The following CDHR2 variants were observed in gnomAD, a reference collection of about 807,000 sequenced individuals.
CDHR2 encodes cadherin related family member 2.
CDHR2 carries 104 observed loss-of-function variants against 138.6 expected under a neutral mutation model. The observed-to-expected ratio is 0.75, with a 90% CI of 0.64 to 0.88. The LOEUF is 0.88. CDHR2 is among the 40% of genes least tolerant of loss of function. The pLI is 0.00. For synonymous variants in CDHR2, 755 were observed against 742.8 expected (o/e 1.02, Z -0.27); for missense variants, 1,624 against 1,727.6 (o/e 0.94, Z 1.06).
chr5:176,545,350 A>T (rs1443988608), upstream of CDHR2, among the ~76,000 whole-genome samples: 1 of 152,166 alleles, frequency 6.6e-6, no homozygotes, highest in Non-Finnish European at 1.5e-5. Flanking sequence ...CATGTTGGCC[A>T]GGCTGGTCTT....
chr5:176,573,410 C>T (rs1365222704), intron 6 of CDHR2, among the ~76,000 whole-genome samples: 2 of 151,794 alleles, frequency 1.3e-5, no homozygotes, highest in Non-Finnish European at 2.9e-5. Context: ...GAGGCTGAGG[C>T]GGGTGGATCA....
In CDHR2 at chr5:176,590,283, C is replaced by CT; in HGVS notation, c.3309dup (p.Val1104CysfsTer11). 6.2e-7 allele frequency: 1 copy of CT among 1,614,178 alleles called. No homozygotes were observed. The highest frequency in any genetic ancestry group is 8.5e-7 in the Non-Finnish European group (1 of 1,180,024). On this transcript the variant is annotated frameshift_variant, in exon 26 of 32. Coordinates refer to ENST00000261944, the MANE Select transcript of CDHR2 (RefSeq NM_017675.6). LOFTEE classifies it high-confidence loss of function. ...GACCTCACTCCTACCTCGATGCCTA[C>CT]TTTGTCTTCCCCAATGGGTCAGCCC...
chr5:176,545,932 G>T (rs1431118520), upstream of CDHR2, among the ~76,000 whole-genome samples: 2 of 152,254 alleles, frequency 1.3e-5, no homozygotes, highest in African/African-American at 4.8e-5. Flanking sequence ...GGGTCCAAAG[G>T]TCTGGGCAGG....
intron 1 of CDHR2, among the ~76,000 whole-genome samples, chr5:176,565,100 G>T (rs182897080): frequency 6.6e-6 from 1 of 152,260 alleles, no homozygotes; most frequent in Non-Finnish European, 1.5e-5. Flanking sequence ...ATTTCCTGGT[G>T]CATGGCAGGT....
In CDHR2 at chr5:176,568,756, ACTT is replaced by A; in HGVS notation, c.208_210del (p.Phe70del). ...TATGGGATGAGCGGCCCCAATGCCT[ACTT>A]CTTCGCTGTCACTCCGAAAACTGGG... On this transcript the variant is annotated inframe_deletion, in exon 4 of 32. Transcript: ENST00000261944. The A allele has an allele frequency of 6.2e-7, 1 of 1,614,200 alleles. No individual in the cohort carries two copies. Among genetic ancestry groups the A allele is most frequent in the Non-Finnish European group, 8.5e-7 (1 of 1,180,030 alleles).
chr5:176,588,549 ATGTG>A (rs1268890867), intron 21 of CDHR2, among the ~76,000 whole-genome samples: 1 of 131,984 alleles, frequency 7.6e-6, no homozygotes, highest in Middle Eastern at 4.8e-3. Flanking sequence ...GAGTGAGTGT[ATGTG>A]TGAGTGGGAC....
At position 176,581,334 on chromosome 5, in the gene CDHR2, C is replaced by T. The variant is rs934402362; in HGVS notation, c.1819-9C>T. The T allele has an allele frequency of 2.8e-5, 45 of 1,612,226 alleles. No homozygotes were observed. The highest frequency in any genetic ancestry group is 1.6e-4 in the Middle Eastern group (1 of 6,062). ...ATGGCCGATGACCAACCCCTGCTTA[C>T]GTGCACAGGCCCACGACAATGATGA... On this transcript the variant is annotated splice_polypyrimidine_tract_variant and intron_variant, in intron 16 of 31. Transcript: ENST00000261944.
In CDHR2 at chr5:176,592,336, A is replaced by G. The variant is rs1455680303; in HGVS notation, c.3735-387A>G. On this transcript the variant is annotated intron_variant, in intron 30 of 31. Transcript: ENST00000261944. ...TGGTGGTGGTGTTGGTGTTGAGGTG[A>G]TGGTGGTGATGGTGATGGTAGTGAT... Among the ~76,000 whole-genome samples, 41 of 75,240 alleles carry G rather than the reference A, an allele frequency of 5.4e-4. No individual in the cohort carries two copies. In the East Asian group the frequency reaches 5.5e-3, roughly 10 times the overall value. The allele number at this position is 75,240 out of a possible 152,430, so 49.4% of individuals were successfully genotyped here.
chr5:176,588,483 G>A (rs1758734274), intron 21 of CDHR2, among the ~76,000 whole-genome samples: 1 of 150,398 alleles, frequency 6.6e-6, no homozygotes, highest in African/African-American at 2.5e-5. Flanking sequence ...GAGTGTGAGA[G>A]GATAAGTGTG....
Position 176,577,406 on chromosome 5 carries a change from A to G in CDHR2, c.1202A>G (p.Asn401Ser). Residue 401 changes from asparagine to serine, a missense_variant, in exon 13 of 32, where the codon AAT (asparagine) becomes AGT (serine). Coordinates refer to ENST00000261944, the MANE Select transcript of CDHR2 (RefSeq NM_017675.6). ...MVVYDPDKGS[N>S]GTFLLSLGGP... ...GACAGCCCACCTTTACAGGGCAGCA[A>G]TGGCACCTTCCTGTTGTCGCTGGGG... 4 of 1,608,298 alleles carry G rather than the reference A, an allele frequency of 2.5e-6. No individual in the cohort carries two copies. The highest frequency in any genetic ancestry group is 3.4e-6 in the Non-Finnish European group (4 of 1,178,132).
At chr5:176,556,388 C>T (rs180925428) in intron 1 of CDHR2, among the ~76,000 whole-genome samples, 2 of 152,062 alleles carry the variant, frequency 1.3e-5, no homozygotes, top group East Asian at 1.9e-4. Context: ...CTAAACAGGC[C>T]GGGCGCGGTG....
intron 1 of CDHR2, among the ~76,000 whole-genome samples, chr5:176,563,050 C>G (rs1757999871): frequency 6.6e-6 from 1 of 152,116 alleles, no homozygotes; most frequent in Non-Finnish European, 1.5e-5. Flanking sequence ...CTTGTCCAGT[C>G]AAGGCTGTGG....
chr5:176,575,005 C>A lies in CDHR2; in HGVS notation c.496-79C>A, dbSNP rs541397941. The A allele has an allele frequency of 2.6e-6, 4 of 1,554,378 alleles. No individual in the cohort carries two copies. In the East Asian group the frequency reaches 6.8e-5, roughly 26 times the overall value. ...GACTGGTCAGTGGCAGAGCTGGGAC[C>A]TTCCCTGCGTTGCTCAGAGTGGGGT... is the stretch of plus-strand genomic sequence containing the variant. On this transcript the variant is annotated intron_variant, in intron 7 of 31. Transcript: ENST00000261944.
chr5:176,591,099 T>C (rs1192965094), intron 28 of CDHR2, 111 bp from the exon 29 acceptor site: 33 of 713,932 alleles, frequency 4.6e-5, no homozygotes, highest in East Asian at 2.7e-5. Flanking sequence ...CTCTGTAAAA[T>C]AGAGCTAACA....
At chr5:176,574,245 C>T (rs1020284842) in intron 7 of CDHR2, 73 bp downstream of exon 7, 3 of 1,149,388 alleles carry the variant, frequency 2.6e-6, no homozygotes, top group Non-Finnish European at 2.6e-6. Context: ...ACCCACAGGG[C>T]CTGAACGTTG....
rs745755277 is a variant in CDHR2, at chr5:176,592,768, T to C, written c.3780T>C (p.Ser1260=). The C allele has an allele frequency of 1.2e-6, 2 of 1,613,638 alleles. No homozygotes were observed. The highest frequency in any genetic ancestry group is 1.7e-6 in the Non-Finnish European group (2 of 1,179,832). ...ACTCTGTGGATGTGGACAAGAACAG[T>C]CAGGAAATCAAGGCAAGATGGGGGA... ...DDNSVDVDKN[S]QEIKEHRPPH... is the part of the protein sequence containing the mutation. Residue 1260 remains serine (S), a synonymous_variant, in exon 31 of 32, where the codon AGT becomes AGC. Coordinates refer to ENST00000261944, the MANE Select transcript of CDHR2 (RefSeq NM_017675.6).
At chr5:176,562,018 A>G (rs1757979661) in intron 1 of CDHR2, among the ~76,000 whole-genome samples, 1 of 152,070 alleles carries the variant, frequency 6.6e-6, no homozygotes, top group Admixed American at 6.6e-5. Flanking sequence ...AGGGACGGGC[A>G]GTAGTGAGAG....
chr5:176,584,968 C>T lies in CDHR2; in HGVS notation c.2687C>T (p.Ala896Val). The T allele has an allele frequency of 6.4e-7, 1 of 1,562,366 alleles. No individual in the cohort carries two copies. Among genetic ancestry groups the T allele is most frequent in the Non-Finnish European group, 8.7e-7 (1 of 1,152,088 alleles). ...ACDLVTLVVR[A>V]CDLATDPGFQ... ...GACCTGGTCACGCTGGTTGTGCGGG[C>T]CTGTGACCTAGCCACGGACCCCGGC... The change falls in exon 19 of 32, where the codon GCC becomes GTC. Residue 896 changes from alanine to valine, a missense_variant. Ala to Val is a moderately conservative substitution (Grantham distance 64). This residue lies in a region of CDHR2 where 556 missense variants were observed against 565.7 expected (regional missense o/e 0.98). Coordinates refer to ENST00000261944, the MANE Select transcript of CDHR2 (RefSeq NM_017675.6).
At chr5:176,551,554 G>C (rs566785537) in intron 1 of CDHR2, among the ~76,000 whole-genome samples, 1 of 151,976 alleles carries the variant, frequency 6.6e-6, no homozygotes, top group Non-Finnish European at 1.5e-5. Context: ...GCAGTGGCGC[G>C]ATCTCGGCTC....
Sources: gnomAD v4.1 joint callset for allele counts (sites outside exome capture counted in the v4.1 genomes callset) on GRCh38, gnomAD v4.1.1 for gene constraint, gnomAD v4.1.1 regional missense constraint, MANE v1.5 for transcripts, NCBI Gene and HGNC (gene_info 2026-07-23, HGNC 2026-07-21) for gene names.